FOXN3: variants seen among roughly 807,000 people sequenced by gnomAD.
The protein encoded by FOXN3 is forkhead box N3, also known as forkhead box protein N3.
FOXN3 carries 7 observed loss-of-function variants against 38.4 expected under a neutral mutation model. The observed-to-expected ratio is 0.18, with a 90% confidence interval of 0.10 to 0.34. The LOEUF (loss-of-function observed/expected upper bound fraction) is 0.34. Among genes scored for constraint, FOXN3 ranks in the 10% least tolerant of loss-of-function variants. FOXN3 has a pLI of 1.00. For synonymous variants in FOXN3, 230 were observed against 242.2 expected, an observed-to-expected ratio of 0.95 and a Z score of 0.47; for missense variants, 456 against 613.4, an observed-to-expected ratio of 0.74 and a Z score of 2.71.
At chr14:89,337,658 T>G (rs1888505597) in intron 3 of FOXN3, among the ~76,000 whole-genome samples, 4 of 142,618 alleles carry the variant, frequency 2.8e-5, no homozygotes, top group African/African-American at 5.1e-5. Flanking sequence ...TGAGACGGAG[T>G]CTTGCTCTGT....
At chr14:89,239,300 CTT>C (rs1435881623) in intron 4 of FOXN3, among the ~76,000 whole-genome samples, 2 of 152,196 alleles carry the variant, frequency 1.3e-5, no homozygotes, top group African/African-American at 4.8e-5. Flanking sequence ...ATCCATCTTC[CTT>C]TGTTAATTTC....
At chr14:89,182,564 A>G (rs1023377444) in intron 4 of FOXN3, among the ~76,000 whole-genome samples, 14 of 152,140 alleles carry the variant, frequency 9.2e-5, no homozygotes, top group Non-Finnish European at 7.4e-5. Context: ...CTAACAGACC[A>G]CCTTATCTGA....
At chr14:89,468,729 G>A (rs1037915741) in intron 1 of FOXN3, among the ~76,000 whole-genome samples, 10 of 152,148 alleles carry the variant, frequency 6.6e-5, no homozygotes, top group African/African-American at 1.2e-4. Context: ...GTGCCAGGAC[G>A]TATCATTTGG....
At chr14:89,314,730 G>GAGCT in intron 3 of FOXN3, among the ~76,000 whole-genome samples, 2 of 152,228 alleles carry the variant, frequency 1.3e-5, no homozygotes, top group East Asian at 3.9e-4. Flanking sequence ...GGGTGGTGTG[G>GAGCT]AGCTCTGCTT....
At position 89,548,433 on chromosome 14, in the gene FOXN3, G is replaced by A. The variant is rs80174272; in HGVS notation, c.-15+70595C>T. 2.0e-5 allele frequency among the ~76,000 whole-genome samples: 3 copies of A among 152,166 alleles called. No individual in the cohort carries two copies. The highest frequency in any genetic ancestry group is 7.2e-5 in the African/African-American group (3 of 41,516). ...GCTAATATAGCAGGGTAACAGAGAC[G>A]GAAAAATCAAAGCGGTAGATAATTT... On this transcript the variant is annotated intron_variant, in intron 1 of 6. Transcript: ENST00000345097. The surrounding 1 kb of genome is among the most constrained non-coding windows in gnomAD (Gnocchi z 4.8).
chr14:89,568,293 C>G (rs1895408713), intron 1 of FOXN3, among the ~76,000 whole-genome samples: 1 of 152,180 alleles, frequency 6.6e-6, no homozygotes, highest in African/African-American at 2.4e-5. Flanking sequence ...TATGAACCAT[C>G]CTGCATGAAA....
At chr14:89,267,324 G>A (rs982876556) in intron 4 of FOXN3, among the ~76,000 whole-genome samples, 3 of 152,168 alleles carry the variant, frequency 2.0e-5, no homozygotes, top group South Asian at 2.1e-4. Context: ...ATTACAATGC[G>A]CAAGTTGGCC....
chr14:89,277,531 ATC>A, intron 4 of FOXN3, among the ~76,000 whole-genome samples: 2 of 152,172 alleles, frequency 1.3e-5, no homozygotes, highest in African/African-American at 4.8e-5. Flanking sequence ...TCCAAACCAA[ATC>A]TTACCCCATT....
chr14:89,456,048 G>C (rs1243754769), intron 1 of FOXN3, among the ~76,000 whole-genome samples: 1 of 152,060 alleles, frequency 6.6e-6, no homozygotes, highest in Middle Eastern at 3.2e-3. Flanking sequence ...TAAAAAATTA[G>C]CCAGGCATGG....
intron 1 of FOXN3, among the ~76,000 whole-genome samples, chr14:89,589,556 A>G (rs189322223): frequency 7.9e-5 from 12 of 152,204 alleles, no homozygotes; most frequent in Non-Finnish European, 1.6e-4. Flanking sequence ...AGAAGAAGAA[A>G]AAGCACACCC....
chr14:89,193,188 C>T (rs1169446205), intron 4 of FOXN3, among the ~76,000 whole-genome samples: 1 of 152,010 alleles, frequency 6.6e-6, no homozygotes, highest in East Asian at 1.9e-4. Context: ...CCTGCCTCCG[C>T]AGGTGACTCG....
rs1051465378 is a variant in FOXN3 at position 89,370,962 on chromosome 14, C to T, written c.544-20154G>A. Reference sequence around the variant, plus strand: ...GTTTTCCAGCAGTGCAGCGGTTCCCCAACACAACAACAAAACCGTGCGTCT... The same window carrying T: ...GTTTTCCAGCAGTGCAGCGGTTCCCTAACACAACAACAAAACCGTGCGTCT... On this transcript the variant is annotated intron_variant, in intron 2 of 5. Coordinates refer to ENST00000557258, the MANE Select transcript of FOXN3 (RefSeq NM_005197.4). Among the ~76,000 whole-genome samples, 3 of 150,572 alleles carry T rather than the reference C, an allele frequency of 2.0e-5. No homozygotes were observed. The East Asian group carries it at 5.8e-4, about 29-fold the overall frequency.
chr14:89,422,579 G>A (rs1891937465), intron 1 of FOXN3, among the ~76,000 whole-genome samples: 1 of 152,208 alleles, frequency 6.6e-6, no homozygotes, highest in Non-Finnish European at 1.5e-5. Context: ...AACGCTGTTT[G>A]TAAGAGTAAA....
chr14:89,193,778 T>C (rs1034823616), intron 4 of FOXN3, among the ~76,000 whole-genome samples: 2 of 152,326 alleles, frequency 1.3e-5, no homozygotes. Flanking sequence ...TTATAGAGAA[T>C]TGCTACATTG....
chr14:89,522,202 T>C (rs930231914), intron 1 of FOXN3, among the ~76,000 whole-genome samples: 4 of 150,072 alleles, frequency 2.7e-5, no homozygotes, highest in African/African-American at 4.9e-5. Flanking sequence ...CCAGTGAAAA[T>C]AGCTTTGAGA....
At chr14:89,445,693 T>C (rs1892477592) in intron 1 of FOXN3, among the ~76,000 whole-genome samples, 1 of 152,040 alleles carries the variant, frequency 6.6e-6, no homozygotes, top group Non-Finnish European at 1.5e-5. Context: ...GTTTGAGATC[T>C]CAAAACCTGG....
intron 3 of FOXN3, among the ~76,000 whole-genome samples, chr14:89,309,173 T>C (rs2139956716): frequency 6.6e-6 from 1 of 152,330 alleles, no homozygotes; most frequent in East Asian, 1.9e-4. Flanking sequence ...TTACAGGCCA[T>C]TCAATCTCTC....
intron 1 of FOXN3, among the ~76,000 whole-genome samples, chr14:89,433,753 A>G (rs1414638861): frequency 6.6e-6 from 1 of 151,346 alleles, no homozygotes; most frequent in East Asian, 2.0e-4. Flanking sequence ...CGGAGGTTGC[A>G]GTGAGCTGAG....
At chr14:89,371,747 G>T (rs1291068757) in intron 2 of FOXN3, among the ~76,000 whole-genome samples, 1 of 152,052 alleles carries the variant, frequency 6.6e-6, no homozygotes, top group African/African-American at 2.4e-5. Flanking sequence ...AGGGGAGGAG[G>T]AGAGTGAGGA....
Sources: allele counts gnomAD v4.1 joint callset (sites outside exome capture counted in the v4.1 genomes callset), GRCh38; gene constraint gnomAD v4.1.1; non-coding constraint Gnocchi (gnomAD v3.1); transcripts MANE v1.5; gene names NCBI Gene and HGNC (gene_info 2026-07-23, HGNC 2026-07-21).